Variants in TFRC observed in about 807,000 individuals in gnomAD.
The protein encoded by TFRC is transferrin receptor protein 1.
Under a neutral mutation model 85.8 loss-of-function variants are expected in TFRC, and 35 were observed. The ratio of observed to expected loss-of-function variants is 0.41; its 90% confidence interval spans 0.31 to 0.54. The LOEUF is 0.54. Among genes scored for constraint, TFRC ranks in the 20% least tolerant of loss-of-function variants. The pLI, the probability that TFRC is intolerant of heterozygous loss-of-function variation, is 0.31. For missense variants in TFRC, 828 were observed against 921.5 expected, an observed-to-expected ratio of 0.90 and a Z score of 1.31; for synonymous variants, 362 against 328.6, an observed-to-expected ratio of 1.10 and a Z score of -1.10.
At chr3:196,067,913 C>G (rs1717868618) in intron 8 of TFRC, 119 bp downstream of exon 8, 1 of 835,374 alleles carries the variant, frequency 1.2e-6, no homozygotes. Flanking sequence ...TTGCTTACTG[C>G]TAACGCCCTC....
intron 11 of TFRC, 199 bp from the exon 12 acceptor site, chr3:196,063,138 A>C: frequency 1.9e-6 from 1 of 523,338 alleles, no homozygotes; most frequent in Non-Finnish European, 3.4e-6. Context: ...AAAGAATAGG[A>C]ATAATTTTTT....
chr3:196,066,076 T>C (rs977424207), intron 9 of TFRC, among the ~76,000 whole-genome samples: 4 of 152,280 alleles, frequency 2.6e-5, no homozygotes, highest in Non-Finnish European at 1.5e-5. Context: ...TACTTTGATC[T>C]GCAGGCAGCC....
At chr3:196,072,741 A>C (rs928360305) in intron 4 of TFRC, 1 of 147,822 alleles carries the variant, frequency 6.8e-6, no homozygotes, top group African/African-American at 2.6e-5. Context: ...TAAGTGTAGG[A>C]AGCTTGCAAA....
rs550901923 is a variant in TFRC at position 196,060,488 on chromosome 3, C to T, written c.1469-241G>A. 530 of 457,348 alleles carry T rather than the reference C, an allele frequency of 1.2e-3. 5 individuals carry two copies. In the South Asian group the frequency reaches 0.013, roughly 11 times the overall value. The allele number at this position is 457,348 out of a possible 1,614,324, so 28.3% of individuals were successfully genotyped here. ...TGAGTTTGCATACTTTAATCCAAGT[C>T]ACCTTTTTTAAAAATATCAGAGCAG... On this transcript the variant is annotated intron_variant, in intron 13 of 18. Coordinates refer to ENST00000360110, the MANE Select transcript of TFRC (RefSeq NM_001128148.3).
At chr3:196,075,894 G>A (rs143583888) in intron 2 of TFRC, among the ~76,000 whole-genome samples, 190 of 148,620 alleles carry the variant, frequency 1.3e-3, no homozygotes, top group African/African-American at 4.5e-3. Flanking sequence ...GGGGGGGGCC[G>A]AGGCACACAG....
chr3:196,062,626 T>C lies in TFRC; in HGVS notation c.1424A>G (p.His475Arg). 1 of 1,609,652 alleles carries C rather than the reference T, an allele frequency of 6.2e-7. No individual in the cohort carries two copies. Among genetic ancestry groups the C allele is most frequent in the South Asian group, 1.1e-5 (1 of 90,022 alleles). ...EWLEGYLSSL[H>R]LKAFTYINLD... ...ATTAATATAAGTGAAAGCCTTTAAA[T>C]GCAGGGACGAAAGGTATCCCTAGAA... Residue 475 changes from histidine to arginine, a missense_variant, in exon 13 of 19, where the codon CAT becomes CGT. Coordinates refer to ENST00000360110, the MANE Select transcript of TFRC (RefSeq NM_001128148.3).
chr3:196,069,081 G>A (rs1258967681), intron 7 of TFRC, among the ~76,000 whole-genome samples: 1 of 152,142 alleles, frequency 6.6e-6, no homozygotes, highest in African/African-American at 2.4e-5. Context: ...CTCCTAAAGT[G>A]TTGGGATTAC....
At chr3:196,077,315 C>CT (rs1164315512) in intron 1 of TFRC, among the ~76,000 whole-genome samples, 193 bp from the exon 2 acceptor site, 8 of 151,454 alleles carry the variant, frequency 5.3e-5, no homozygotes, top group Non-Finnish European at 8.8e-5. Context: ...ATACATAATT[C>CT]TTTTTTTTTC....
At chr3:196,064,482 T>G in intron 10 of TFRC, 54 bp from the exon 11 acceptor site, 1 of 1,513,220 alleles carries the variant, frequency 6.6e-7, no homozygotes, top group Non-Finnish European at 8.8e-7. Flanking sequence ...CTTCTAAACT[T>G]TTCTAGAATT....
chr3:196,060,232 T>G lies in TFRC; in HGVS notation c.1484A>C (p.Lys495Thr). 6.2e-7 allele frequency: 1 copy of G among 1,614,052 alleles called. No individual in the cohort carries two copies. Among genetic ancestry groups the G allele is most frequent in the Non-Finnish European group, 8.5e-7 (1 of 1,179,950 alleles). ...ATACAACAGTGGGCTGGCAGAAACC[T>G]TGAAGTTGCTGGTACCTGAAAATAA... ...DKAVLGTSNF[K>T]VSASPLLYTL... The change falls in exon 14 of 19, where the codon AAG becomes ACG. Residue 495 changes from lysine to threonine, a missense_variant. Physicochemically the swap from Lys to Thr is moderately conservative, Grantham distance 78 (BLOSUM62 -1). Transcript: ENST00000360110.
intron 2 of TFRC, among the ~76,000 whole-genome samples, chr3:196,076,452 T>A (rs1718706628): frequency 2.7e-5 from 1 of 37,422 alleles, no homozygotes; most frequent in Non-Finnish European, 1.0e-4. Flanking sequence ...CAGCCTTTGC[T>A]TTTTTTTTTT....
chr3:196,078,796 CAG>C (rs909407320), intron 1 of TFRC, among the ~76,000 whole-genome samples: 1 of 149,684 alleles, frequency 6.7e-6, no homozygotes, highest in African/African-American at 2.5e-5. Flanking sequence ...TTTCTTGAGA[CAG>C]AGTTTCGGTC....
In TFRC at chr3:196,058,353, AG is replaced by A; in HGVS notation, c.1607del (p.Thr536IlefsTer2). ...GGAAAGGGAAAGCAGCATTGTCTAA[AG>A]TGAGTTTCTCACTGCAAAGACAAAG... Reference protein sequence around the residue: ...SNWASKVEKLTLDNAAFPFLA... With the variant: ...SNWASKVEKLXLDNAAFPFLA... On this transcript the variant is annotated frameshift_variant, in exon 16 of 19. Coordinates refer to ENST00000360110, the MANE Select transcript of TFRC (RefSeq NM_001128148.3). LOFTEE classifies it high-confidence loss of function. The A allele has an allele frequency of 2.5e-6, 4 of 1,613,992 alleles. No individual in the cohort carries two copies. Among genetic ancestry groups the A allele is most frequent in the Non-Finnish European group, 3.4e-6 (4 of 1,179,926 alleles).
At chr3:196,081,572 C>T (rs1719179922) in intron 1 of TFRC, among the ~76,000 whole-genome samples, 1 of 152,170 alleles carries the variant, frequency 6.6e-6, no homozygotes, top group South Asian at 2.1e-4. Context: ...CGGCGCCGCA[C>T]GCCGCGCAGC....
rs1004824741 is a variant in TFRC at position 196,064,248 on chromosome 3, A to AT, written c.1318+60dup. On this transcript the variant is annotated intron_variant, in intron 11 of 18. Transcript: ENST00000360110. The stretch of plus-strand genomic sequence containing the variant: ...GCAGGCAAAGTGAGCAAAGCACAGT[A>AT]TAACATCTAGAACTGTATGCAGTGC... 3.1e-5 allele frequency: 47 copies of AT among 1,515,596 alleles called. No individual in the cohort carries two copies. The South Asian group carries it at 3.2e-4, about 10-fold the overall frequency. 93.9% of individuals were successfully genotyped at this position (1,515,596 alleles called of 1,614,324 possible). A position where few individuals can be genotyped will look rare whatever the true frequency, so the allele number is the denominator to read the frequency against.
In TFRC at chr3:196,052,009, G is replaced by A. The variant is rs1716349013; in HGVS notation, c.2216C>T (p.Thr739Ile). The A allele has an allele frequency of 1.2e-6, 2 of 1,614,054 alleles. No homozygotes were observed. Among genetic ancestry groups the A allele is most frequent in the South Asian group, 2.2e-5 (2 of 91,088 alleles). The change falls in exon 19 of 19, where the codon ACT (threonine) becomes ATT (isoleucine). Residue 739 changes from threonine (T) to isoleucine (I), a missense_variant. By Grantham distance (89) the Thr-to-Ile change is moderately conservative (BLOSUM62 -1). Coordinates refer to ENST00000360110, the MANE Select transcript of TFRC (RefSeq NM_001128148.3). ...TLFRNQLALA[T>I]WTIQGAANAL... ...ATTTGCAGCTCCCTGAATAGTCCAAGTAGCTAGAGCCAACTGGTTTCTGAA... is the reference window on the plus strand; with the variant it reads ...ATTTGCAGCTCCCTGAATAGTCCAAATAGCTAGAGCCAACTGGTTTCTGAA...
intron 11 of TFRC, among the ~76,000 whole-genome samples, 180 bp downstream of exon 11, chr3:196,064,129 T>C (rs1039201652): frequency 3.9e-5 from 6 of 152,160 alleles, no homozygotes; most frequent in African/African-American, 1.4e-4. Flanking sequence ...TAAGACACTT[T>C]ATGGAAAGCT....
intron 1 of TFRC, among the ~76,000 whole-genome samples, 191 bp from the exon 2 acceptor site, chr3:196,077,313 T>G (rs1426580288): frequency 1.3e-5 from 2 of 152,256 alleles, no homozygotes; most frequent in East Asian, 3.9e-4. Context: ...ATATACATAA[T>G]TCTTTTTTTT....
intron 6 of TFRC, among the ~76,000 whole-genome samples, chr3:196,070,224 C>T (rs1278435618): frequency 1.3e-5 from 2 of 151,900 alleles, no homozygotes; most frequent in South Asian, 2.1e-4. Flanking sequence ...GCACCAGCCC[C>T]GAAAGGTATC....
Sources: gnomAD v4.1 joint callset for allele counts (sites outside exome capture counted in the v4.1 genomes callset) on GRCh38, gnomAD v4.1.1 for gene constraint, MANE v1.5 for transcripts, NCBI Gene and HGNC (gene_info 2026-07-23, HGNC 2026-07-21) for gene names.